The following PDE1C variants were observed in gnomAD, a reference collection of about 807,000 sequenced individuals.
The protein encoded by PDE1C is phosphodiesterase 1C, also known as dual specificity calcium/calmodulin-dependent 3',5'-cyclic nucleotide phosphodiesterase 1C.
Under a neutral mutation model 93.1 loss-of-function variants are expected in PDE1C, and 62 were observed. The observed-to-expected ratio is 0.67, with a 90% CI of 0.54 to 0.82. The LOEUF (loss-of-function observed/expected upper bound fraction) is 0.82, where lower values mean the gene tolerates loss of function less well. PDE1C is among the 40% of genes least tolerant of loss of function. PDE1C has a pLI of 0.00. For missense variants in PDE1C, 742 were observed against 884.6 expected (o/e 0.84, Z 2.04); for synonymous variants, 325 against 310.1 (o/e 1.05, Z -0.50).
chr7:32,207,725 C>G (rs1431163044), intron 2 of PDE1C, among the ~76,000 whole-genome samples: 1 of 152,170 alleles, frequency 6.6e-6, no homozygotes, highest in East Asian at 1.9e-4. Context: ...AGATAATAAG[C>G]TTTGAAGACA....
At chr7:32,021,514 A>G (rs1399445017) in intron 2 of PDE1C, among the ~76,000 whole-genome samples, 2 of 152,140 alleles carry the variant, frequency 1.3e-5, no homozygotes, top group African/African-American at 4.8e-5. Context: ...CAGTCATAGA[A>G]CAATTTACAA....
intron 1 of PDE1C, among the ~76,000 whole-genome samples, chr7:32,224,851 T>C (rs1807136562): frequency 6.6e-6 from 1 of 151,902 alleles, no homozygotes; most frequent in Admixed American, 6.6e-5. Context: ...TAAAATTGCA[T>C]GTTCAGCACC....
chr7:32,418,614 T>G (rs1785324412), intron 1 of PDE1C, among the ~76,000 whole-genome samples: 1 of 152,224 alleles, frequency 6.6e-6, no homozygotes, highest in Admixed American at 6.5e-5. Context: ...TAAGATTCAC[T>G]TTTTCCTTCA....
At chr7:32,058,616 A>T (rs1223866476) in intron 1 of PDE1C, among the ~76,000 whole-genome samples, 4 of 152,194 alleles carry the variant, frequency 2.6e-5, no homozygotes, top group African/African-American at 9.7e-5. Flanking sequence ...GAGAATGGAA[A>T]GTCTTTGTAC....
At chr7:31,696,645 A>C in the PDE1C span, among the ~76,000 whole-genome samples, 1 of 152,146 alleles carries the variant, frequency 6.6e-6, no homozygotes, top group Non-Finnish European at 1.5e-5. Context: ...GCTCTGTGAC[A>C]CCTATGAGCT....
chr7:32,306,183 C>T (rs1812998469), intron 1 of PDE1C, among the ~76,000 whole-genome samples: 1 of 152,134 alleles, frequency 6.6e-6, no homozygotes, highest in Non-Finnish European at 1.5e-5. Context: ...AAATGTGTGT[C>T]CGTTAAACCT....
intron 1 of PDE1C, chr7:32,298,589 G>GACCGCC (rs1185435865): frequency 1.8e-5 from 28 of 1,536,016 alleles, no homozygotes; most frequent in Non-Finnish European, 2.4e-5. Flanking sequence ...AAGGAACTCT[G>GACCGCC]ACCGCCACCG....
intron 7 of PDE1C, among the ~76,000 whole-genome samples, chr7:31,862,562 G>A (rs974988826): frequency 1.3e-5 from 2 of 152,102 alleles, no homozygotes; most frequent in African/African-American, 4.8e-5. Context: ...GCCTGCTTCT[G>A]GATTTATAGA....
At chr7:32,297,661 T>C (rs1348364456) in intron 1 of PDE1C, among the ~76,000 whole-genome samples, 2 of 152,008 alleles carry the variant, frequency 1.3e-5, no homozygotes, top group Admixed American at 6.5e-5. Context: ...TCCCTGAAGG[T>C]CCCCAAAACC....
intron 16 of PDE1C, among the ~76,000 whole-genome samples, chr7:31,800,233 A>G (rs1450859419): frequency 6.6e-6 from 1 of 151,538 alleles, no homozygotes; most frequent in Non-Finnish European, 1.5e-5. Flanking sequence ...TATTCTCCTA[A>G]TAGAGGCTTT....
chr7:31,930,522 C>A (rs1461904159), intron 2 of PDE1C, among the ~76,000 whole-genome samples: 1 of 151,988 alleles, frequency 6.6e-6, no homozygotes, highest in East Asian at 1.9e-4. Context: ...AAAATACTGG[C>A]AAACTGAAAC....
At chr7:31,918,104 T>C (rs79526669) in intron 2 of PDE1C, among the ~76,000 whole-genome samples, 1 of 152,300 alleles carries the variant, frequency 6.6e-6, no homozygotes, top group South Asian at 2.1e-4. Flanking sequence ...TGATTTATTG[T>C]ATCAGACAGA....
the PDE1C span, among the ~76,000 whole-genome samples, chr7:31,730,288 A>G: frequency 2.6e-5 from 4 of 152,162 alleles, no homozygotes; most frequent in Non-Finnish European, 4.4e-5. Flanking sequence ...TCAGCTCAAA[A>G]GACATATTTC....
chr7:32,412,355 C>T, intron 1 of PDE1C, among the ~76,000 whole-genome samples: 1 of 151,142 alleles, frequency 6.6e-6, no homozygotes, highest in East Asian at 1.9e-4. Flanking sequence ...ACTTGGGAGG[C>T]TGAGGCAGGA....
chr7:31,794,073 C>CAGATAGATAGATAGAT (rs1403714502), intron 16 of PDE1C, among the ~76,000 whole-genome samples: 53 of 134,180 alleles, frequency 3.9e-4, no homozygotes, highest in Admixed American at 5.1e-4. Context: ...GACAGACAGA[C>CAGATAGATAGATAGAT]AGACAGACAG....
chr7:32,200,209 T>G (rs1804911024), intron 2 of PDE1C, among the ~76,000 whole-genome samples: 1 of 152,140 alleles, frequency 6.6e-6, no homozygotes, highest in Non-Finnish European at 1.5e-5. Flanking sequence ...TCTTATAGGT[T>G]TTTTGTTTTA....
At chr7:31,636,851 T>C in the PDE1C span, among the ~76,000 whole-genome samples, 1 of 150,366 alleles carries the variant, frequency 6.7e-6, no homozygotes, top group South Asian at 2.1e-4. Context: ...CAGCATTAGA[T>C]ATATCTCCTA....
At chr7:31,788,269 C>T (rs559035321) in intron 16 of PDE1C, 1 of 152,188 alleles carries the variant, frequency 6.6e-6, no homozygotes, top group South Asian at 2.1e-4. Flanking sequence ...GTTCCAAGGT[C>T]AAAAATTGAC....
At position 32,107,205 on chromosome 7, in the gene PDE1C, T is replaced by A. The variant is rs77879245; in HGVS notation, c.308+62580A>T. On this transcript the variant is annotated intron_variant, in intron 3 of 18. Transcript: ENST00000396193. ...GAACCTAGGACAATTACAAAAGGTA[T>A]AATATATGTGTAGCAAGAATACCAG... Among the ~76,000 whole-genome samples, 698 of 144,446 alleles carry A rather than the reference T, an allele frequency of 4.8e-3. 5 individuals carry two copies. Among genetic ancestry groups the A allele is most frequent in the African/African-American group, 0.017 (663 of 39,062 alleles). 94.8% of individuals were successfully genotyped at this position (144,446 alleles called of 152,430 possible).
Sources: allele counts gnomAD v4.1 joint callset (sites outside exome capture counted in the v4.1 genomes callset), GRCh38; gene constraint gnomAD v4.1.1; transcripts MANE v1.5; gene names NCBI Gene and HGNC (gene_info 2026-07-23, HGNC 2026-07-21).